Variants in RUBCN observed in about 807,000 individuals in gnomAD.
The protein encoded by RUBCN is run domain Beclin-1-interacting and cysteine-rich domain-containing protein.
RUBCN carries 74 observed loss-of-function variants against 113.2 expected under a neutral mutation model. The ratio of observed to expected loss-of-function variants is 0.65; its 90% confidence interval spans 0.54 to 0.79. The LOEUF (loss-of-function observed/expected upper bound fraction) is 0.79. Among genes scored for constraint, RUBCN ranks in the 30% least tolerant of loss-of-function variants. The pLI is 0.00. For synonymous variants in RUBCN, 480 were observed against 490.0 expected (o/e 0.98, Z 0.27); for missense variants, 1,109 against 1,251.7 (o/e 0.89, Z 1.72).
chr3:197,692,201 T>C (rs1032577428), intron 11 of RUBCN, among the ~76,000 whole-genome samples: 1 of 151,868 alleles, frequency 6.6e-6, no homozygotes, highest in Non-Finnish European at 1.5e-5. Flanking sequence ...TAATGAAACT[T>C]CAATAAAAAC....
chr3:197,730,885 C>CT (rs71166707), intron 1 of RUBCN, among the ~76,000 whole-genome samples: 10,755 of 49,986 alleles, frequency 0.22, 2,108 homozygotes, highest in Non-Finnish European at 0.3. Context: ...TTAAAAGCAT[C>CT]TTTTTTTTTT....
At chr3:197,749,356 C>T in exon 1 of RUBCN, 3 of 1,168,782 alleles carry the variant, frequency 2.6e-6, no homozygotes, top group South Asian at 1.6e-5. Flanking sequence ...GGTACAGACA[C>T]GGGAAACGTT....
At chr3:197,688,215 CAG>C (rs1411800386) in intron 11 of RUBCN, among the ~76,000 whole-genome samples, 2 of 152,288 alleles carry the variant, frequency 1.3e-5, no homozygotes, top group Non-Finnish European at 2.9e-5. Flanking sequence ...TTAGCAGAGA[CAG>C]GGTTTCACCA....
In RUBCN at chr3:197,679,059, G is replaced by A. The variant is rs563966497; in HGVS notation, c.2431-1518C>T. On this transcript the variant is annotated intron_variant, in intron 16 of 19. Coordinates refer to ENST00000296343, the MANE Select transcript of RUBCN (RefSeq NM_014687.4). ...GACAACTGGCTCCAGACTGTCCTAC[G>A]CTCTGACAACTGGCTTCAGACTGTC... 2.3e-3 allele frequency among the ~76,000 whole-genome samples: 341 copies of A among 150,708 alleles called. 1 individual carries two copies. Among genetic ancestry groups the A allele is most frequent in the Non-Finnish European group, 3.4e-3 (232 of 67,792 alleles).
chr3:197,674,445 C>A lies in RUBCN; in HGVS notation c.*573G>T. ...AGGTCTCTGAGGAGTCTAGGATAGT[C>A]AGGATTGTTCTGTGGCCCCCAAAAT... is the stretch of plus-strand genomic sequence containing the variant. On this transcript the variant is annotated 3_prime_UTR_variant, in exon 20 of 20. Transcript: ENST00000296343. 2.5e-6 allele frequency: 1 copy of A among 392,210 alleles called. No homozygotes were observed. The highest frequency in any genetic ancestry group is 2.1e-5 in the South Asian group (1 of 48,592). 24.3% of individuals were successfully genotyped at this position (392,210 alleles called of 1,614,324 possible).
Position 197,682,581 on chromosome 3 carries a change from G to A in RUBCN, c.2015C>T (p.Pro672Leu), listed in dbSNP as rs772288210. 4 of 1,613,974 alleles carry A rather than the reference G, an allele frequency of 2.5e-6. No homozygotes were observed. Among genetic ancestry groups the A allele is most frequent in the Non-Finnish European group, 3.4e-6 (4 of 1,180,006 alleles). ...GATGTCAGCGTGCTGCCCGTCATCC[G>A]GTGAGATGGGCAGTGAGTCAGGAAT... ...LPIPDSLPIS[P>L]DDGQHADIYK... Residue 672 changes from proline to leucine, a missense_variant, in exon 14 of 20, where the codon CCG (proline) becomes CTG (leucine). By Grantham distance (98) the Pro-to-Leu change is moderately conservative. Transcript: ENST00000296343.
chr3:197,704,206 G>A (rs965272878), intron 4 of RUBCN, among the ~76,000 whole-genome samples: 3 of 152,140 alleles, frequency 2.0e-5, no homozygotes, highest in African/African-American at 4.8e-5. Context: ...AGGCCAAAGC[G>A]GGCAGATCAC....
upstream of RUBCN, among the ~76,000 whole-genome samples, chr3:197,740,439 A>G (rs1184719045): frequency 2.0e-5 from 3 of 151,950 alleles, no homozygotes; most frequent in Non-Finnish European, 4.4e-5. Flanking sequence ...ATTGCACTCC[A>G]TCCTGGGCAA....
At chr3:197,747,128 T>G (rs557601208) in intron 1 of RUBCN, among the ~76,000 whole-genome samples, 2 of 152,144 alleles carry the variant, frequency 1.3e-5, no homozygotes, top group African/African-American at 4.8e-5. Flanking sequence ...TTTTACTGTG[T>G]GTGTCTCGGG....
intron 2 of RUBCN, among the ~76,000 whole-genome samples, chr3:197,714,536 T>C (rs933786259): frequency 1.3e-5 from 2 of 152,214 alleles, no homozygotes; most frequent in African/African-American, 4.8e-5. Flanking sequence ...TTGCCCAGGC[T>C]GGTCTTGTAT....
chr3:197,693,152 G>C (rs1722610613), intron 11 of RUBCN, among the ~76,000 whole-genome samples: 1 of 152,020 alleles, frequency 6.6e-6, no homozygotes, highest in South Asian at 2.1e-4. Context: ...TCCCAGACTG[G>C]AACCCCACTG....
Position 197,683,292 on chromosome 3 carries a change from G to A in RUBCN, c.1980+15C>T. The stretch of plus-strand genomic sequence containing the variant: ...CACGATGGCCCCTGGGTAGGAAGAA[G>A]AGCTAAGGACCTACCTTCTGAGGGG... On this transcript the variant is annotated intron_variant, in intron 13 of 19. Transcript: ENST00000296343. The surrounding 1 kb of genome is among the most constrained non-coding windows in gnomAD (Gnocchi z 4.6). 2 of 1,614,172 alleles carry A rather than the reference G, an allele frequency of 1.2e-6. No homozygotes were observed. Among genetic ancestry groups the A allele is most frequent in the Non-Finnish European group, 1.7e-6 (2 of 1,180,012 alleles).
chr3:197,682,660 T>C, intron 13 of RUBCN, 45 bp from the exon 14 acceptor site: 1 of 1,602,812 alleles, frequency 6.2e-7, no homozygotes, highest in Non-Finnish European at 8.5e-7. Flanking sequence ...GTCAGTGTGC[T>C]GCCCGTCATC....
chr3:197,679,334 C>T (rs1392088000), intron 16 of RUBCN, among the ~76,000 whole-genome samples: 1 of 151,040 alleles, frequency 6.6e-6, no homozygotes, highest in South Asian at 2.1e-4. Context: ...CAACTGGCTT[C>T]AGCCTGTCCT....
intron 6 of RUBCN, among the ~76,000 whole-genome samples, chr3:197,701,425 A>T (rs1001081958): frequency 5.3e-5 from 8 of 152,228 alleles, no homozygotes; most frequent in African/African-American, 1.9e-4. Context: ...AACAGAGCCT[A>T]GTACATGATT....
chr3:197,674,976 C>G lies in RUBCN; in HGVS notation c.*42G>C, dbSNP rs898380583. On this transcript the variant is annotated 3_prime_UTR_variant, in exon 20 of 20. Coordinates refer to ENST00000296343, the MANE Select transcript of RUBCN (RefSeq NM_014687.4). The stretch of plus-strand genomic sequence containing the variant: ...TTCAAAGAGTGGCTCAGTTCTGCAA[C>G]AGGTGTGACCCGGCCCGGAGGGAGG... 1 of 1,588,310 alleles carries G rather than the reference C, an allele frequency of 6.3e-7. No individual in the cohort carries two copies. The highest frequency in any genetic ancestry group is 8.6e-7 in the Non-Finnish European group (1 of 1,168,732).
At chr3:197,740,468 TAAAA>T (rs1017784255), upstream of RUBCN, among the ~76,000 whole-genome samples, 1 of 150,086 alleles carries the variant, frequency 6.7e-6, no homozygotes, top group Non-Finnish European at 1.5e-5. Context: ...GACTCCATCT[TAAAA>T]AAAAAGAAAA....
At chr3:197,697,290 A>G (rs1723123731) in intron 7 of RUBCN, among the ~76,000 whole-genome samples, 1 of 152,202 alleles carries the variant, frequency 6.6e-6, no homozygotes. Context: ...AACATAAAGG[A>G]AAGAATCAAA....
intron 17 of RUBCN, 145 bp downstream of exon 17, chr3:197,677,335 A>T: frequency 1.3e-6 from 1 of 755,026 alleles, no homozygotes; most frequent in Non-Finnish European, 2.4e-6. Context: ...AGATACAGTT[A>T]CTGCTGTGGC....
Sources: allele counts gnomAD v4.1 joint callset (sites outside exome capture counted in the v4.1 genomes callset), GRCh38; gene constraint gnomAD v4.1.1; non-coding constraint Gnocchi (gnomAD v3.1); transcripts MANE v1.5; gene names NCBI Gene and HGNC (gene_info 2026-07-23, HGNC 2026-07-21).